The following PTPRD variants were observed in gnomAD, a reference collection of about 807,000 sequenced individuals.
PTPRD encodes protein tyrosine phosphatase receptor type D.
In PTPRD, 34 loss-of-function variants were observed where a neutral mutation model predicts 214.5. The observed-to-expected ratio is 0.16, with a 90% CI of 0.12 to 0.21. PTPRD has a LOEUF of 0.21. PTPRD is among the 10% of genes least tolerant of loss of function. The pLI is 1.00. For missense variants in PTPRD, 2,545 were observed against 2,398.7 expected, an observed-to-expected ratio of 1.06 and a Z score of -1.27; for synonymous variants, 1,128 against 845.7, an observed-to-expected ratio of 1.33 and a Z score of -5.79.
chr9:9,553,609 A>G (rs927261624), intron 8 of PTPRD, among the ~76,000 whole-genome samples: 4 of 152,030 alleles, frequency 2.6e-5, no homozygotes, highest in Non-Finnish European at 5.9e-5. Context: ...CCCCTTACTT[A>G]CTGAATTAAT....
intron 11 of PTPRD, among the ~76,000 whole-genome samples, chr9:8,956,749 C>T (rs1030814663): frequency 1.3e-5 from 2 of 151,714 alleles, no homozygotes; most frequent in African/African-American, 4.8e-5. Flanking sequence ...CTAAAAAATC[C>T]CAATAAAATA....
intron 3 of PTPRD, among the ~76,000 whole-genome samples, chr9:10,034,406 A>AT (rs1567216458): frequency 1.9e-5 from 2 of 103,252 alleles, no homozygotes; most frequent in African/African-American, 3.4e-5. Context: ...TCCTGGCTCT[A>AT]CTTTTTTTTT....
At chr9:9,296,537 C>T (rs1281078162) in intron 9 of PTPRD, among the ~76,000 whole-genome samples, 1 of 151,706 alleles carries the variant, frequency 6.6e-6, no homozygotes, top group African/African-American at 2.4e-5. Context: ...CCTCCTCCTC[C>T]TCCACCTTGG....
At chr9:10,171,324 G>A (rs999694054) in intron 3 of PTPRD, among the ~76,000 whole-genome samples, 9 of 151,772 alleles carry the variant, frequency 5.9e-5, no homozygotes, top group Non-Finnish European at 1.2e-4. Context: ...TCCTCCATAC[G>A]GTTCTTGATA....
At chr9:9,445,077 A>G (rs2089907770) in intron 8 of PTPRD, among the ~76,000 whole-genome samples, 1 of 152,214 alleles carries the variant, frequency 6.6e-6, no homozygotes, top group African/African-American at 2.4e-5. Context: ...TGATATGACA[A>G]TTTGTAAGAT....
chr9:9,850,863 A>G (rs981601351), intron 5 of PTPRD, among the ~76,000 whole-genome samples: 1 of 152,086 alleles, frequency 6.6e-6, no homozygotes, highest in African/African-American at 2.4e-5. Flanking sequence ...GATAATCACC[A>G]TTTTACTCTC....
intron 3 of PTPRD, among the ~76,000 whole-genome samples, chr9:10,090,234 C>G (rs900451242): frequency 6.6e-6 from 1 of 151,576 alleles, no homozygotes; most frequent in Non-Finnish European, 1.5e-5. Context: ...TGTCAAAAAT[C>G]TAAATTTGAC....
chr9:10,135,173 T>C (rs1249665849), intron 3 of PTPRD, among the ~76,000 whole-genome samples: 1 of 151,980 alleles, frequency 6.6e-6, no homozygotes, highest in Non-Finnish European at 1.5e-5. Flanking sequence ...CAGGCAAAAA[T>C]AAAGAAGAAA....
intron 4 of PTPRD, among the ~76,000 whole-genome samples, chr9:10,031,421 G>T (rs750118869): frequency 1.3e-5 from 2 of 151,406 alleles, no homozygotes; most frequent in Non-Finnish European, 1.5e-5. Context: ...TGAATATAAA[G>T]CAGGCAGAAA....
At chr9:9,238,943 C>A (rs1198888457) in intron 9 of PTPRD, among the ~76,000 whole-genome samples, 1 of 152,122 alleles carries the variant, frequency 6.6e-6, no homozygotes, top group Non-Finnish European at 1.5e-5. Flanking sequence ...TCCAAGTGGT[C>A]TTTGGAAACA....
At chr9:9,066,866 T>G (rs2099735385) in intron 10 of PTPRD, among the ~76,000 whole-genome samples, 1 of 152,234 alleles carries the variant, frequency 6.6e-6, no homozygotes, top group Non-Finnish European at 1.5e-5. Flanking sequence ...GATTTTGTTC[T>G]TCTGGCCAGA....
At chr9:9,246,711 G>C (rs908289696) in intron 9 of PTPRD, among the ~76,000 whole-genome samples, 4 of 152,066 alleles carry the variant, frequency 2.6e-5, no homozygotes, top group African/African-American at 4.8e-5. Context: ...TTTGGGAGCT[G>C]AGACTTCACA....
At chr9:9,084,406 G>T (rs769329766) in intron 10 of PTPRD, among the ~76,000 whole-genome samples, 51 of 152,268 alleles carry the variant, frequency 3.3e-4, no homozygotes, top group Non-Finnish European at 5.1e-4. Flanking sequence ...GCCTGTCAGG[G>T]GTTGGGGGTC....
At chr9:8,417,163 A>T (rs2093998945) in intron 35 of PTPRD, among the ~76,000 whole-genome samples, 1 of 152,142 alleles carries the variant, frequency 6.6e-6, no homozygotes, top group South Asian at 2.1e-4. Context: ...AAGACAAGCC[A>T]CAGCTTTCTA....
intron 8 of PTPRD, among the ~76,000 whole-genome samples, chr9:9,539,967 C>T (rs754647814): frequency 9.2e-5 from 14 of 151,734 alleles, no homozygotes; most frequent in Admixed American, 2.0e-4. Context: ...TTACCCTACA[C>T]GGATATTTGA....
At chr9:9,613,252 A>C (rs2094637547) in intron 7 of PTPRD, among the ~76,000 whole-genome samples, 1 of 150,866 alleles carries the variant, frequency 6.6e-6, no homozygotes, top group Admixed American at 6.6e-5. Context: ...TTAAATATTA[A>C]AACTTTTCGA....
At chr9:8,496,504 T>C (rs2097274690) in intron 26 of PTPRD, among the ~76,000 whole-genome samples, 1 of 152,158 alleles carries the variant, frequency 6.6e-6, no homozygotes, top group African/African-American at 2.4e-5. Flanking sequence ...TACATAACAG[T>C]CCCTCAATAA....
At position 9,980,626 on chromosome 9, in the gene PTPRD, AAAAAAAAAC is replaced by A. The variant is rs1430820332; in HGVS notation, c.-471-42025_-471-42017del. On this transcript the variant is annotated intron_variant, in intron 4 of 45. Transcript: ENST00000381196. The stretch of plus-strand genomic sequence containing the variant: ...ACCTTGTCAAAAAAAAACAAAAAAA[AAAAAAAAAC>A]AAAAAAAAAAACCCTTTATGGATCA... Among the ~76,000 whole-genome samples the A allele has an allele frequency of 9.3e-3, 1,066 of 114,134 alleles. 241 individuals are homozygous for A. Among genetic ancestry groups the A allele is most frequent in the African/African-American group, 0.033 (851 of 25,762 alleles). The allele number at this position is 114,134 out of a possible 152,430, so 74.9% of individuals were successfully genotyped here.
chr9:10,471,147 G>A (rs2099028456), intron 2 of PTPRD, among the ~76,000 whole-genome samples: 1 of 101,580 alleles, frequency 9.8e-6, no homozygotes, highest in Non-Finnish European at 2.0e-5. Flanking sequence ...GCCTGTTGTG[G>A]GTTGGGGGCT....
Sources: gnomAD v4.1 joint callset for allele counts (sites outside exome capture counted in the v4.1 genomes callset) on GRCh38, gnomAD v4.1.1 for gene constraint, MANE v1.5 for transcripts, NCBI Gene and HGNC (gene_info 2026-07-23, HGNC 2026-07-21) for gene names.